The following ARSB variants were observed in gnomAD, a reference collection of about 807,000 sequenced individuals.
The protein encoded by ARSB is N-acetylgalactosamine-4-sulfatase.
ARSB carries 41 observed loss-of-function variants against 50.9 expected under a neutral mutation model. The observed-to-expected ratio is 0.81, with a 90% CI of 0.63 to 1.04. The LOEUF (loss-of-function observed/expected upper bound fraction) is 1.04, where lower values mean the gene tolerates loss of function less well. Ranked by LOEUF, ARSB falls within the 50% of genes least tolerant of loss-of-function variation. The probability of loss-of-function intolerance (pLI) is 0.00; values close to 1 mark genes in which losing one functional copy is unlikely to be tolerated. For synonymous variants in ARSB, 269 were observed against 284.8 expected (o/e 0.94, Z 0.56); for missense variants, 672 against 693.3 (o/e 0.97, Z 0.35).
chr5:78,807,617 G>A (rs895356869), intron 6 of ARSB, among the ~76,000 whole-genome samples: 2 of 152,118 alleles, frequency 1.3e-5, no homozygotes, highest in African/African-American at 4.8e-5. Context: ...CATATTTGGG[G>A]AACCTTAAGG....
intron 6 of ARSB, among the ~76,000 whole-genome samples, chr5:78,838,597 C>A (rs1745048390): frequency 1.3e-5 from 2 of 152,160 alleles, no homozygotes; most frequent in Admixed American, 1.3e-4. Context: ...TGGGAGCCCC[C>A]ATGTGAATAA....
intron 6 of ARSB, among the ~76,000 whole-genome samples, chr5:78,828,990 A>G (rs565637682): frequency 6.6e-6 from 1 of 152,386 alleles, no homozygotes; most frequent in African/African-American, 2.4e-5. Context: ...AGAATGTGCT[A>G]GAAAAGGACC....
chr5:78,965,031 G>A (rs183897747), intron 2 of ARSB, among the ~76,000 whole-genome samples: 27 of 152,284 alleles, frequency 1.8e-4, no homozygotes, highest in Admixed American at 6.5e-4. Context: ...CTGATGTTGC[G>A]AGACTGGCTT....
intron 4 of ARSB, among the ~76,000 whole-genome samples, chr5:78,904,671 T>C (rs576093453): frequency 4.8e-5 from 7 of 147,334 alleles, no homozygotes; most frequent in African/African-American, 1.5e-4. Context: ...TAATTTTCTT[T>C]CTTTTCTTTC....
chr5:78,797,471 C>T (rs533782784), intron 6 of ARSB, among the ~76,000 whole-genome samples: 1 of 152,346 alleles, frequency 6.6e-6, no homozygotes, highest in South Asian at 2.1e-4. Flanking sequence ...GCCCAGCCTT[C>T]TCACTTCCTT....
At chr5:78,855,837 G>T (rs755552061) in intron 5 of ARSB, among the ~76,000 whole-genome samples, 1 of 152,124 alleles carries the variant, frequency 6.6e-6, no homozygotes, top group African/African-American at 2.4e-5. Context: ...TTCATTCCCA[G>T]CTGCTTCCAA....
chr5:78,957,471 T>C (rs1401050822), intron 3 of ARSB, among the ~76,000 whole-genome samples: 1 of 152,210 alleles, frequency 6.6e-6, no homozygotes, highest in Non-Finnish European at 1.5e-5. Flanking sequence ...AAGTTAAAAA[T>C]AGCTGCTAAA....
chr5:78,829,283 T>C (rs1744571682), intron 6 of ARSB, among the ~76,000 whole-genome samples: 1 of 152,244 alleles, frequency 6.6e-6, no homozygotes, highest in Admixed American at 6.5e-5. Flanking sequence ...TGATCAGTGA[T>C]AGAAAACTAA....
At chr5:78,822,592 G>A (rs943101291) in intron 6 of ARSB, among the ~76,000 whole-genome samples, 35 of 152,110 alleles carry the variant, frequency 2.3e-4, no homozygotes, top group Non-Finnish European at 4.7e-4. Context: ...AAAGCTAACT[G>A]ACCATTATAA....
chr5:78,896,174 G>T (rs1190267493), intron 4 of ARSB, among the ~76,000 whole-genome samples: 1 of 152,196 alleles, frequency 6.6e-6, no homozygotes, highest in Non-Finnish European at 1.5e-5. Context: ...TTTTGATTTG[G>T]TGTTGAGAAG....
At position 78,777,373 on chromosome 5, in the gene ARSB, T is replaced by C. The variant is rs1748799781; in HGVS notation, c.*3024A>G. ...ATACAATTCAGTGGCAGTAATTGCA[T>C]TTATGATGTTGTATAACCATGACCA... On this transcript the variant is annotated 3_prime_UTR_variant, in exon 8 of 8. Transcript: ENST00000264914. The C allele has an allele frequency of 6.6e-6, 1 of 152,640 alleles. No individual in the cohort carries two copies. Among genetic ancestry groups the C allele is most frequent in the Non-Finnish European group, 1.5e-5 (1 of 68,050 alleles). 9.5% of individuals were successfully genotyped at this position (152,640 alleles called of 1,614,324 possible).
intron 4 of ARSB, among the ~76,000 whole-genome samples, chr5:78,936,559 C>T (rs966792191): frequency 2.0e-5 from 3 of 151,782 alleles, no homozygotes; most frequent in Admixed American, 6.6e-5. Context: ...TAACTTGAAT[C>T]AAAATAAATG....
chr5:78,904,924 A>C (rs1441361479), intron 4 of ARSB, among the ~76,000 whole-genome samples: 9 of 151,900 alleles, frequency 5.9e-5, no homozygotes, highest in Non-Finnish European at 1.3e-4. Flanking sequence ...TCCTAGCCTT[A>C]AGCAATCTGC....
At chr5:78,883,984 T>C (rs772102109) in intron 5 of ARSB, 12 of 152,208 alleles carry the variant, frequency 7.9e-5, no homozygotes, top group Non-Finnish European at 1.8e-4. Flanking sequence ...AAGTATGGTA[T>C]TTCCAGAGTG....
intron 2 of ARSB, among the ~76,000 whole-genome samples, chr5:78,967,390 T>A (rs116669406): frequency 0.011 from 1,637 of 152,178 alleles, 21 homozygotes; most frequent in African/African-American, 0.037. Context: ...ATTTCAAATC[T>A]CAGGCTGGGC....
chr5:78,873,540 G>C (rs1354062866), intron 5 of ARSB, among the ~76,000 whole-genome samples: 3 of 112,952 alleles, frequency 2.7e-5, no homozygotes, highest in Non-Finnish European at 5.2e-5. Context: ...CTGTCGCCCA[G>C]GCTGGAGTGC....
At chr5:78,870,648 A>T (rs1747098751) in intron 5 of ARSB, among the ~76,000 whole-genome samples, 1 of 151,446 alleles carries the variant, frequency 6.6e-6, no homozygotes, top group Non-Finnish European at 1.5e-5. Flanking sequence ...TAAATTAGGT[A>T]TTGATGGGAC....
chr5:78,860,989 T>C (rs1746407071), intron 5 of ARSB, among the ~76,000 whole-genome samples: 1 of 152,102 alleles, frequency 6.6e-6, no homozygotes, highest in Non-Finnish European at 1.5e-5. Flanking sequence ...AACACCTCTA[T>C]GCAAATAAAC....
intron 4 of ARSB, among the ~76,000 whole-genome samples, chr5:78,892,019 C>T (rs1285248488): frequency 1.3e-5 from 2 of 152,054 alleles, no homozygotes; most frequent in Non-Finnish European, 2.9e-5. Flanking sequence ...TAACAAAATA[C>T]CCACCTTAAT....
Sources: gnomAD v4.1 joint callset for allele counts (sites outside exome capture counted in the v4.1 genomes callset) on GRCh38, gnomAD v4.1.1 for gene constraint, MANE v1.5 for transcripts, NCBI Gene and HGNC (gene_info 2026-07-23, HGNC 2026-07-21) for gene names.